Variants in DMXL2 observed in about 807,000 individuals in gnomAD.
The protein encoded by DMXL2 is Dmx like 2, also known as dmX-like protein 2.
A neutral mutation model predicts 331.1 loss-of-function variants in DMXL2; 103 were observed. The ratio of observed to expected loss-of-function variants is 0.31; its 90% CI spans 0.27 to 0.37. The LOEUF is 0.37. Among genes scored for constraint, DMXL2 ranks in the 10% least tolerant of loss-of-function variants. The pLI is 1.00. For missense variants in DMXL2, 3,171 were observed against 3,642.9 expected (o/e 0.87, Z 3.33); for synonymous variants, 1,281 against 1,252.1 (o/e 1.02, Z -0.49).
intron 16 of DMXL2, among the ~76,000 whole-genome samples, chr15:51,506,286 T>C (rs2046392155): frequency 6.6e-6 from 1 of 152,020 alleles, no homozygotes; most frequent in Non-Finnish European, 1.5e-5. Flanking sequence ...TGATCTCGAA[T>C]TCCTGTGCTC....
At chr15:51,457,247 G>C in intron 37 of DMXL2, 81 bp downstream of exon 37, 1 of 1,432,768 alleles carries the variant, frequency 7.0e-7, no homozygotes. Flanking sequence ...TGAAATTTAG[G>C]ATCATTCCTA....
intron 1 of DMXL2, among the ~76,000 whole-genome samples, chr15:51,594,022 A>C (rs1476671574): frequency 1.3e-5 from 2 of 152,212 alleles, no homozygotes; most frequent in Non-Finnish European, 2.9e-5. Context: ...AAGCAAGAGC[A>C]AACACAGTCA....
chr15:51,480,070 T>C lies in DMXL2; in HGVS notation c.6634A>G (p.Ile2212Val), dbSNP rs2041898761. 1 of 1,601,544 alleles carries C rather than the reference T, an allele frequency of 6.2e-7. No homozygotes were observed. Among genetic ancestry groups the C allele is most frequent in the Non-Finnish European group, 8.5e-7 (1 of 1,170,464 alleles). Residue 2212 changes from isoleucine to valine, a missense_variant, in exon 25 of 44, where the codon ATT becomes GTT. This residue lies in a region of DMXL2 where 197 missense variants were observed against 196.2 expected (regional missense o/e 1.00). Coordinates refer to ENST00000560891, the MANE Select transcript of DMXL2 (RefSeq NM_001378457.1). ...GCTATGACTGTTTTTGTTGACGCAA[T>C]ACTTGCTGAAAGCAGAGGTAGGGTG... ...PTTLPLLSAS[I>V]ASTKTVIANP...
At chr15:51,565,326 C>T (rs74016404) in intron 3 of DMXL2, among the ~76,000 whole-genome samples, 160 bp from the exon 4 acceptor site, 3 of 152,086 alleles carry the variant, frequency 2.0e-5, no homozygotes, top group East Asian at 1.9e-4. Context: ...CTGTTTTTAA[C>T]GTAACTTTCA....
Position 51,564,102 on chromosome 15 carries a change from TAAC to T in DMXL2, c.500+20_500+22del, listed in dbSNP as rs759082180. ...AGCACTTGCTTTTAATTAATGAATA[TAAC>T]AATAGAAATAGACACTAACTTGCAC... On this transcript the variant is annotated intron_variant, in intron 5 of 43. Coordinates refer to ENST00000560891, the MANE Select transcript of DMXL2 (RefSeq NM_001378457.1). 8 of 1,573,666 alleles carry T rather than the reference TAAC, an allele frequency of 5.1e-6. No individual in the cohort carries two copies. Among genetic ancestry groups the T allele is most frequent in the African/African-American group, 1.4e-5 (1 of 72,024 alleles).
At chr15:51,568,984 C>T (rs913345190) in intron 2 of DMXL2, among the ~76,000 whole-genome samples, 1 of 152,150 alleles carries the variant, frequency 6.6e-6, no homozygotes, top group Non-Finnish European at 1.5e-5. Context: ...GGGGCGTCAC[C>T]TCACATGGGA....
At chr15:51,576,689 A>G (rs1379069302) in intron 1 of DMXL2, among the ~76,000 whole-genome samples, 1 of 152,216 alleles carries the variant, frequency 6.6e-6, no homozygotes, top group Non-Finnish European at 1.5e-5. Flanking sequence ...AATTACATGC[A>G]CTAAGGCAAT....
chr15:51,522,053 T>C (rs954362985), intron 13 of DMXL2, among the ~76,000 whole-genome samples: 1 of 152,210 alleles, frequency 6.6e-6, no homozygotes, highest in African/African-American at 2.4e-5. Flanking sequence ...AATACCTGAA[T>C]GAATGGATCT....
At position 51,481,014 on chromosome 15, in the gene DMXL2, C is replaced by T. The variant is rs1409867190; in HGVS notation, c.6092G>A (p.Gly2031Asp). 2 of 1,614,162 alleles carry T rather than the reference C, an allele frequency of 1.2e-6. No homozygotes were observed. The highest frequency in any genetic ancestry group is 1.7e-6 in the Non-Finnish European group (2 of 1,180,028). Residue 2031 changes from glycine to aspartate, a missense_variant, in exon 24 of 44, where the codon GGT (glycine) becomes GAT (aspartate). By Grantham distance (94) the Gly-to-Asp change is moderately conservative. Coordinates refer to ENST00000560891, the MANE Select transcript of DMXL2 (RefSeq NM_001378457.1). ...LTPQEEDDPE[G>D]DTEVDVIAEQ... The stretch of plus-strand genomic sequence containing the variant: ...AGCAATCACATCAACTTCAGTATCA[C>T]CTTCAGGATCATCCTCTTCCTGAGG...
At position 51,498,889 on chromosome 15, in the gene DMXL2, A is replaced by C. The variant is rs1256359643; in HGVS notation, c.4335T>G (p.Ile1445Met). Reference sequence around the variant, plus strand: ...GTGGTATCTTTGTACTTTCTTCTGAAATTCTGTAGGATGTATCTTGATCTG... The same window carrying C: ...GTGGTATCTTTGTACTTTCTTCTGACATTCTGTAGGATGTATCTTGATCTG... ...LAADQDTSYR[I>M]SEESTKIPQS... Residue 1445 changes from isoleucine (I) to methionine (M), a missense_variant, in exon 18 of 44, where the codon ATT becomes ATG. By Grantham distance (10) the Ile-to-Met change is conservative. This residue lies in a region of DMXL2 where 1,674 missense variants were observed against 1,780.2 expected (regional missense o/e 0.94). Coordinates refer to ENST00000560891, the MANE Select transcript of DMXL2 (RefSeq NM_001378457.1). The C allele has an allele frequency of 4.3e-6, 7 of 1,613,930 alleles. No individual in the cohort carries two copies. In the African/African-American group the frequency reaches 9.3e-5, roughly 22 times the overall value.
At chr15:51,554,414 G>A (rs1427310918) in intron 6 of DMXL2, among the ~76,000 whole-genome samples, 1 of 152,032 alleles carries the variant, frequency 6.6e-6, no homozygotes, top group East Asian at 1.9e-4. Flanking sequence ...CTGTTTTAGA[G>A]ATCAAGACAT....
intron 1 of DMXL2, among the ~76,000 whole-genome samples, chr15:51,619,932 G>C (rs2054525561): frequency 6.6e-6 from 1 of 152,182 alleles, no homozygotes; most frequent in South Asian, 2.1e-4. Flanking sequence ...TTCATTCCAA[G>C]TCCTGGCTGG....
chr15:51,468,959 A>AAGAGAGAG (rs139561448), intron 29 of DMXL2, among the ~76,000 whole-genome samples: 1 of 149,290 alleles, frequency 6.7e-6, no homozygotes, highest in South Asian at 2.1e-4. Flanking sequence ...AAGTTAAAAA[A>AAGAGAGAG]AGAGAGAGAG....
intron 22 of DMXL2, among the ~76,000 whole-genome samples, chr15:51,487,190 C>A (rs561049941): frequency 6.6e-6 from 1 of 152,100 alleles, no homozygotes; most frequent in Non-Finnish European, 1.5e-5. Context: ...TACCTCCTCA[C>A]ATCGTTTTCT....
chr15:51,513,419 T>C (rs1477801863), intron 15 of DMXL2, among the ~76,000 whole-genome samples: 1 of 152,150 alleles, frequency 6.6e-6, no homozygotes, highest in East Asian at 1.9e-4. Context: ...GAAATAAAAC[T>C]TAACATAATT....
chr15:51,590,018 A>T (rs2052170562), intron 1 of DMXL2, among the ~76,000 whole-genome samples: 1 of 152,370 alleles, frequency 6.6e-6, no homozygotes, highest in East Asian at 1.9e-4. Context: ...TCTTATTCAC[A>T]GGCCTTTCTA....
rs946016300 is a variant in DMXL2 at position 51,479,940 on chromosome 15, T to C, written c.6756+8A>G. 2.7e-6 allele frequency: 4 copies of C among 1,483,468 alleles called. No individual in the cohort carries two copies. In the Admixed American group the frequency reaches 6.1e-5, roughly 23 times the overall value. The allele number at this position is 1,483,468 out of a possible 1,614,324, so 91.9% of individuals were successfully genotyped here. A position where few individuals can be genotyped will look rare whatever the true frequency, so the allele number is the denominator to read the frequency against. ...TATAATATCAAATGATCATAAACTT[T>C]ACATTACCTTCACATCTTCAATACT... On this transcript the variant is annotated splice_region_variant and intron_variant, in intron 25 of 43. Coordinates refer to ENST00000560891, the MANE Select transcript of DMXL2 (RefSeq NM_001378457.1).
At chr15:51,491,845 A>G in intron 19 of DMXL2, 98 bp from the exon 20 acceptor site, 2 of 1,033,758 alleles carry the variant, frequency 1.9e-6, no homozygotes, top group Non-Finnish European at 2.7e-6. Flanking sequence ...TTTGGAAAGA[A>G]TTTTGAAGCA....
At chr15:51,545,946 T>C (rs1047675364) in intron 7 of DMXL2, among the ~76,000 whole-genome samples, 180 bp from the exon 8 acceptor site, 1 of 152,092 alleles carries the variant, frequency 6.6e-6, no homozygotes, top group Non-Finnish European at 1.5e-5. Flanking sequence ...AACCGGGAAA[T>C]TGTTTTGAAA....
Sources: gnomAD v4.1 joint callset for allele counts (sites outside exome capture counted in the v4.1 genomes callset) on GRCh38, gnomAD v4.1.1 for gene constraint, gnomAD v4.1.1 regional missense constraint, MANE v1.5 for transcripts, NCBI Gene and HGNC (gene_info 2026-07-23, HGNC 2026-07-21) for gene names.